AGK: variants seen among roughly 807,000 people sequenced by gnomAD.
AGK encodes the protein acylglycerol kinase.
In AGK, 52 loss-of-function variants were observed where a neutral mutation model predicts 66.4. That is an observed-to-expected ratio of 0.78 (90% CI 0.63 to 0.99). AGK has a LOEUF of 0.99. AGK is among the 50% of genes least tolerant of loss of function. The probability of loss-of-function intolerance (pLI) is 0.00; values close to 1 mark genes in which losing one functional copy is unlikely to be tolerated. For synonymous variants in AGK, 182 were observed against 181.1 expected (o/e 1.00, Z -0.04); for missense variants, 451 against 506.6 (o/e 0.89, Z 1.05).
chr7:141,565,614 G>T (rs1166149889), intron 2 of AGK, among the ~76,000 whole-genome samples: 1 of 151,866 alleles, frequency 6.6e-6, no homozygotes, highest in East Asian at 1.9e-4. Flanking sequence ...GCACTGCCTG[G>T]GTGACAAAGA....
chr7:141,622,195 A>G (rs552671020), intron 9 of AGK, among the ~76,000 whole-genome samples: 2 of 151,968 alleles, frequency 1.3e-5, no homozygotes, highest in South Asian at 4.2e-4. Flanking sequence ...GGTTTAAGCA[A>G]TTCTCCTGCC....
In AGK at chr7:141,652,189, A is replaced by G. The variant is rs182612504; in HGVS notation, c.1131+580A>G. 2.5e-3 allele frequency among the ~76,000 whole-genome samples: 388 copies of G among 152,362 alleles called. 2 individuals are homozygous for G. The highest frequency in any genetic ancestry group is 9.0e-3 in the African/African-American group (376 of 41,586). The stretch of plus-strand genomic sequence containing the variant: ...GGCCATATATTACTGTATTCAGACA[A>G]GACTATAGGTAAACAGAAGGTATCC... On this transcript the variant is annotated intron_variant, in intron 15 of 15. Transcript: ENST00000649286.
intron 4 of AGK, among the ~76,000 whole-genome samples, chr7:141,597,827 G>GCTGTA (rs1796257779): frequency 6.8e-6 from 1 of 146,156 alleles, no homozygotes; most frequent in Non-Finnish European, 1.5e-5. Context: ...GGAGGTCGAG[G>GCTGTA]CTGTAGTGAG....
chr7:141,650,517 G>T (rs1239154819), intron 14 of AGK: 1 of 985,354 alleles, frequency 1.0e-6, no homozygotes, highest in Non-Finnish European at 1.2e-6. Context: ...TATCTGAAGA[G>T]AACATAGTGA....
In AGK at chr7:141,641,744, A is replaced by G. The variant is rs1323608589; in HGVS notation, c.878-67A>G. The G allele has an allele frequency of 2.3e-6, 3 of 1,312,528 alleles. No individual in the cohort carries two copies. The Admixed American group carries it at 6.0e-5, about 26-fold the overall frequency. The allele number at this position is 1,312,528 out of a possible 1,614,324, so 81.3% of individuals were successfully genotyped here. ...AAGCTGAGCTGAGCAGCTAGCAGCT[A>G]GCCGTCCGTGGTGGGTGGTGAAATG... On this transcript the variant is annotated intron_variant, in intron 12 of 15. Transcript: ENST00000649286.
At chr7:141,652,153 T>C (rs1294997060) in intron 15 of AGK, among the ~76,000 whole-genome samples, 3 of 152,230 alleles carry the variant, frequency 2.0e-5, no homozygotes, top group Non-Finnish European at 4.4e-5. Flanking sequence ...ATATAGCCTT[T>C]GAAGACATGT....
intron 2 of AGK, among the ~76,000 whole-genome samples, chr7:141,567,188 A>C (rs773488659): frequency 6.6e-6 from 1 of 152,184 alleles, no homozygotes; most frequent in Non-Finnish European, 1.5e-5. Context: ...AGGGATCACA[A>C]CCACACAGTT....
At chr7:141,634,005 T>A (rs1478905964) in intron 10 of AGK, 25 bp downstream of exon 10, 2 of 1,582,456 alleles carry the variant, frequency 1.3e-6, no homozygotes, top group Non-Finnish European at 1.7e-6. Context: ...TATTGATGTG[T>A]GATGTTTTTT....
At chr7:141,572,322 A>G (rs1057370066) in intron 2 of AGK, among the ~76,000 whole-genome samples, 4 of 152,242 alleles carry the variant, frequency 2.6e-5, no homozygotes, top group Non-Finnish European at 5.9e-5. Context: ...AACCAGAGTG[A>G]TGGCATTAGG....
At chr7:141,552,380 A>G (rs534241021) in intron 1 of AGK, among the ~76,000 whole-genome samples, 13 of 152,302 alleles carry the variant, frequency 8.5e-5, no homozygotes, top group South Asian at 2.1e-4. Flanking sequence ...CTGGTCTTCA[A>G]TCCTTTATCT....
chr7:141,566,526 A>T (rs1795474345), intron 2 of AGK, among the ~76,000 whole-genome samples: 1 of 152,214 alleles, frequency 6.6e-6, no homozygotes. Flanking sequence ...CCCTAAATTC[A>T]TAGGTTACTC....
At position 141,619,539 on chromosome 7, in the gene AGK, T is replaced by C. The variant is rs186131202; in HGVS notation, c.519-2193T>C. Among the ~76,000 whole-genome samples the C allele has an allele frequency of 1.2e-3, 178 of 152,154 alleles. 1 individual carries two copies. The highest frequency in any genetic ancestry group is 4.1e-3 in the African/African-American group (170 of 41,536). On this transcript the variant is annotated intron_variant, in intron 8 of 15. Transcript: ENST00000649286. ...CTCACACTATATCTAAAAATTAGCA[T>C]CAAATGGATTGTAAACCTATATATA...
At chr7:141,559,969 C>T (rs994082240) in intron 2 of AGK, among the ~76,000 whole-genome samples, 2 of 147,050 alleles carry the variant, frequency 1.4e-5, no homozygotes, top group Non-Finnish European at 3.0e-5. Context: ...GTTCTAACAG[C>T]TTTTTTTTTT....
At chr7:141,613,490 G>T (rs760302148) in intron 6 of AGK, among the ~76,000 whole-genome samples, 1 of 152,068 alleles carries the variant, frequency 6.6e-6, no homozygotes, top group Non-Finnish European at 1.5e-5. Flanking sequence ...ATGGTGGTGG[G>T]TGCTTGTAAT....
At chr7:141,594,426 C>T (rs1170190357) in intron 3 of AGK, among the ~76,000 whole-genome samples, 2 of 152,096 alleles carry the variant, frequency 1.3e-5, no homozygotes, top group Non-Finnish European at 2.9e-5. Flanking sequence ...ATCTCAACCT[C>T]GTGTTCCACC....
chr7:141,641,428 G>T, intron 12 of AGK, 30 bp downstream of exon 12: 1 of 1,597,678 alleles, frequency 6.3e-7, no homozygotes, highest in Non-Finnish European at 8.5e-7. Flanking sequence ...AAGATTGGAG[G>T]GCCCTGGTCA....
At position 141,644,927 on chromosome 7, in the gene AGK, ATTG is replaced by A. The variant is rs1006470534; in HGVS notation, c.975+3025_975+3027del. On this transcript the variant is annotated intron_variant, in intron 13 of 15. Transcript: ENST00000649286. ...TAAATGTTTCTAGTCTCTTTCTTCT[ATTG>A]TTGTTCCATTTTCTCATATTTATAC... Among the ~76,000 whole-genome samples, 9 of 151,958 alleles carry A rather than the reference ATTG, an allele frequency of 5.9e-5. 2 individuals carry two copies. Among genetic ancestry groups the A allele is most frequent in the African/African-American group, 2.2e-4 (9 of 41,464 alleles).
intron 2 of AGK, among the ~76,000 whole-genome samples, chr7:141,558,152 A>G (rs1303235578): frequency 1.3e-5 from 2 of 151,670 alleles, no homozygotes; most frequent in African/African-American, 4.8e-5. Flanking sequence ...TGTTTATATT[A>G]TCTTTACCTT....
chr7:141,604,374 GTATA>G (rs368893843), intron 5 of AGK, among the ~76,000 whole-genome samples: 2,964 of 113,798 alleles, frequency 0.026, 98 homozygotes, highest in South Asian at 0.15. Flanking sequence ...GTGTGTGTGT[GTATA>G]TATATATATA....
Sources: allele counts gnomAD v4.1 joint callset (sites outside exome capture counted in the v4.1 genomes callset), GRCh38; gene constraint gnomAD v4.1.1; transcripts MANE v1.5; gene names NCBI Gene and HGNC (gene_info 2026-07-23, HGNC 2026-07-21).